Variants in F13A1 observed in about 807,000 individuals in gnomAD.
F13A1 encodes coagulation factor XIII A chain, also known as FSF, A subunit.
F13A1 carries 47 observed loss-of-function variants against 80.1 expected under a neutral mutation model. That is an observed-to-expected ratio of 0.59 (90% confidence interval 0.46 to 0.75). The LOEUF (loss-of-function observed/expected upper bound fraction) is 0.75, where lower values mean the gene tolerates loss of function less well. Ranked by LOEUF, F13A1 falls within the 30% of genes least tolerant of loss-of-function variation. The probability of loss-of-function intolerance (pLI) is 0.00; values close to 1 mark genes in which losing one functional copy is unlikely to be tolerated. For missense variants in F13A1, 817 were observed against 930.4 expected (o/e 0.88, Z 1.59); for synonymous variants, 349 against 344.9 (o/e 1.01, Z -0.13).
chr6:6,274,553 AT>A (rs1306536135), intron 3 of F13A1, among the ~76,000 whole-genome samples: 8 of 152,356 alleles, frequency 5.3e-5, no homozygotes, highest in African/African-American at 1.9e-4. Flanking sequence ...AAGTAAGAAC[AT>A]AACATGAACT....
At chr6:6,234,477 G>A (rs1216517144) in intron 6 of F13A1, among the ~76,000 whole-genome samples, 2 of 152,010 alleles carry the variant, frequency 1.3e-5, no homozygotes, top group Non-Finnish European at 2.9e-5. Context: ...CAGAGACTCT[G>A]TGATAACAGA....
At chr6:6,309,639 T>C (rs1011960130) in intron 2 of F13A1, among the ~76,000 whole-genome samples, 1 of 152,172 alleles carries the variant, frequency 6.6e-6, no homozygotes, top group African/African-American at 2.4e-5. Context: ...TTTAATTGCA[T>C]GGTGGATCCA....
intron 4 of F13A1, among the ~76,000 whole-genome samples, chr6:6,264,241 A>G (rs575397677): frequency 3.8e-4 from 58 of 152,346 alleles, no homozygotes; most frequent in African/African-American, 1.3e-3. Flanking sequence ...AAATGAATGC[A>G]GACACATATC....
chr6:6,287,526 C>T (rs1758156126), intron 3 of F13A1, among the ~76,000 whole-genome samples: 1 of 151,982 alleles, frequency 6.6e-6, no homozygotes, highest in South Asian at 2.1e-4. Flanking sequence ...AGGGAGGAAG[C>T]GTTTGTGGAT....
intron 2 of F13A1, among the ~76,000 whole-genome samples, chr6:6,314,417 A>T (rs1373112095): frequency 1.3e-5 from 2 of 152,146 alleles, no homozygotes; most frequent in Non-Finnish European, 2.9e-5. Flanking sequence ...ATCTTTTCCC[A>T]GGCTTATATC....
At chr6:6,150,253 G>C (rs1166093244) in intron 14 of F13A1, among the ~76,000 whole-genome samples, 1 of 152,210 alleles carries the variant, frequency 6.6e-6, no homozygotes, top group Non-Finnish European at 1.5e-5. Flanking sequence ...CATCTGATTT[G>C]AGTGGGAAGG....
chr6:6,223,687 T>A (rs1340777412), intron 7 of F13A1, among the ~76,000 whole-genome samples: 1 of 152,226 alleles, frequency 6.6e-6, no homozygotes, highest in African/African-American at 2.4e-5. Flanking sequence ...TCATGACTTT[T>A]TTTTTTTAAA....
chr6:6,235,635 G>C (rs1449661812), intron 6 of F13A1, among the ~76,000 whole-genome samples: 1 of 152,018 alleles, frequency 6.6e-6, no homozygotes, highest in Non-Finnish European at 1.5e-5. Flanking sequence ...CTGATCATAT[G>C]AAGTGTCCGG....
At chr6:6,235,827 T>C (rs1010279297) in intron 6 of F13A1, among the ~76,000 whole-genome samples, 1 of 152,114 alleles carries the variant, frequency 6.6e-6, no homozygotes, top group African/African-American at 2.4e-5. Context: ...ACAAAGACTT[T>C]TACTAAAGTC....
intron 7 of F13A1, 124 bp from the exon 8 acceptor site, chr6:6,222,295 T>C: frequency 2.3e-6 from 3 of 1,276,746 alleles, no homozygotes; most frequent in Non-Finnish European, 3.3e-6. Flanking sequence ...GGACATGTTA[T>C]TCTCAAATGT....
chr6:6,224,936 G>A (rs2113063723), intron 6 of F13A1, 76 bp from the exon 7 acceptor site: 1 of 1,489,374 alleles, frequency 6.7e-7, no homozygotes, highest in Non-Finnish European at 9.3e-7. Context: ...CATGGCGCAA[G>A]CTATGGCTGC....
intron 4 of F13A1, among the ~76,000 whole-genome samples, chr6:6,256,151 G>A (rs564960876): frequency 5.3e-5 from 8 of 152,126 alleles, no homozygotes; most frequent in South Asian, 2.1e-4. Flanking sequence ...TGGAAGGCTC[G>A]ACTAATAGGA....
At chr6:6,157,758 A>G (rs1055570252) in intron 13 of F13A1, among the ~76,000 whole-genome samples, 15 of 152,222 alleles carry the variant, frequency 9.9e-5, no homozygotes, top group Admixed American at 7.9e-4. Flanking sequence ...TCAGTAGCCC[A>G]AACATACTGG....
intron 10 of F13A1, among the ~76,000 whole-genome samples, chr6:6,187,139 T>C (rs1761093593): frequency 8.0e-6 from 1 of 124,506 alleles, no homozygotes; most frequent in East Asian, 2.0e-4. Context: ...GACAATGGGG[T>C]TTTCTAGATA....
intron 3 of F13A1, among the ~76,000 whole-genome samples, chr6:6,285,235 C>T (rs893118635): frequency 2.0e-4 from 30 of 152,282 alleles, no homozygotes; most frequent in Non-Finnish European, 2.5e-4. Context: ...GGCACCAGAG[C>T]GAGACTCCAA....
chr6:6,162,156 G>C lies in F13A1; in HGVS notation c.1908+5302C>G, dbSNP rs570582297. Among the ~76,000 whole-genome samples, 2 of 152,218 alleles carry C rather than the reference G, an allele frequency of 1.3e-5. No individual in the cohort carries two copies. Among genetic ancestry groups the C allele is most frequent in the South Asian group, 4.2e-4 (2 of 4,808 alleles). ...CTAGAAACTCCCTTGAAGCCTCTTT[G>C]TTCAGAGAGTCGATGATAAAGCTCT... On this transcript the variant is annotated intron_variant, in intron 13 of 14. Transcript: ENST00000264870. The surrounding 1 kb of genome is among the most constrained non-coding windows in gnomAD (Gnocchi z 4.2).
At chr6:6,318,860 T>C (rs933619698) in intron 1 of F13A1, among the ~76,000 whole-genome samples, 178 bp from the exon 2 acceptor site, 1 of 152,144 alleles carries the variant, frequency 6.6e-6, no homozygotes, top group African/African-American at 2.4e-5. Flanking sequence ...AGTCTAATGA[T>C]GGAATACAGT....
chr6:6,314,091 C>T (rs1274236183), intron 2 of F13A1, among the ~76,000 whole-genome samples: 1 of 151,278 alleles, frequency 6.6e-6, no homozygotes, highest in Non-Finnish European at 1.5e-5. Context: ...AAGCGATTCT[C>T]CTGCCTCAGC....
In F13A1 at chr6:6,165,762, G is replaced by A. The variant is rs1760660073; in HGVS notation, c.1908+1696C>T. Among the ~76,000 whole-genome samples the A allele has an allele frequency of 4.6e-5, 7 of 152,354 alleles. No homozygotes were observed. In the South Asian group the frequency reaches 1.2e-3, roughly 27 times the overall value. On this transcript the variant is annotated intron_variant, in intron 13 of 14. Transcript: ENST00000264870. ...TAACTTCACGTTCTCATGGATGATG[G>A]TACCTCTGCAGCAACCCTAATCCCC...
Sources: gnomAD v4.1 joint callset for allele counts (sites outside exome capture counted in the v4.1 genomes callset) on GRCh38, gnomAD v4.1.1 for gene constraint, Gnocchi (gnomAD v3.1) non-coding constraint, MANE v1.5 for transcripts, NCBI Gene and HGNC (gene_info 2026-07-23, HGNC 2026-07-21) for gene names.